MEMO1: variants seen among roughly 807,000 people sequenced by gnomAD.
MEMO1 encodes the protein protein MEMO1.
Under a neutral mutation model 45.2 loss-of-function variants are expected in MEMO1, and 6 were observed. The observed-to-expected ratio is 0.13, with a 90% CI of 0.07 to 0.26. MEMO1 has a LOEUF of 0.26. MEMO1 is among the 10% of genes least tolerant of loss of function. The pLI, the probability that MEMO1 is intolerant of heterozygous loss-of-function variation, is 1.00. For synonymous variants in MEMO1, 78 were observed against 124.3 expected (o/e 0.63, Z 2.48); for missense variants, 184 against 370.5 (o/e 0.50, Z 4.13).
intron 6 of MEMO1, among the ~76,000 whole-genome samples, chr2:31,898,966 T>C (rs1470324726): frequency 1.3e-5 from 2 of 152,222 alleles, no homozygotes; most frequent in African/African-American, 4.8e-5. Context: ...CATTATGTAA[T>C]GGCCTTCTTT....
intron 2 of MEMO1, among the ~76,000 whole-genome samples, chr2:31,975,369 T>G (rs1192393283): frequency 6.6e-6 from 1 of 152,198 alleles, no homozygotes. Context: ...AATTCTCATC[T>G]CCTGATCTTT....
At chr2:31,997,479 C>T (rs1672748839) in intron 2 of MEMO1, among the ~76,000 whole-genome samples, 4 of 152,168 alleles carry the variant, frequency 2.6e-5, no homozygotes, top group Admixed American at 2.6e-4. Flanking sequence ...ATCTGTATTC[C>T]TTACAGATGT....
chr2:31,961,471 T>C (rs865970292), intron 2 of MEMO1, among the ~76,000 whole-genome samples: 1 of 149,872 alleles, frequency 6.7e-6, no homozygotes, highest in African/African-American at 2.5e-5. Flanking sequence ...CTTTAAAATA[T>C]GTTATCTTGG....
chr2:32,000,970 T>G (rs1414337183), intron 2 of MEMO1, among the ~76,000 whole-genome samples: 1 of 152,006 alleles, frequency 6.6e-6, no homozygotes, highest in Admixed American at 6.6e-5. Context: ...CAGAAATTGA[T>G]TCGTTCAATA....
chr2:31,879,728 T>C (rs1675074472), intron 8 of MEMO1, among the ~76,000 whole-genome samples: 1 of 152,186 alleles, frequency 6.6e-6, no homozygotes, highest in African/African-American at 2.4e-5. Flanking sequence ...ATGTTCAAAA[T>C]CCAGTGTATA....
intron 6 of MEMO1, among the ~76,000 whole-genome samples, chr2:31,897,382 A>T (rs1399212926): frequency 6.6e-6 from 1 of 152,230 alleles, no homozygotes; most frequent in East Asian, 1.9e-4. Flanking sequence ...TTATTATGAG[A>T]TACATTCCAT....
chr2:31,961,638 C>T (rs142733257), intron 2 of MEMO1, among the ~76,000 whole-genome samples: 89 of 151,548 alleles, frequency 5.9e-4, no homozygotes, highest in African/African-American at 2.1e-3. Flanking sequence ...ACTAGCTAGG[C>T]ATGGTTACAC....
At chr2:31,880,625 A>C (rs1675221094) in intron 8 of MEMO1, among the ~76,000 whole-genome samples, 1 of 152,232 alleles carries the variant, frequency 6.6e-6, no homozygotes, top group African/African-American at 2.4e-5. Context: ...TTACAAGCTG[A>C]CAGAATTTAA....
At chr2:31,901,573 T>C (rs185349210) in intron 6 of MEMO1, among the ~76,000 whole-genome samples, 9 of 151,956 alleles carry the variant, frequency 5.9e-5, no homozygotes, top group Admixed American at 2.6e-4. Context: ...AGAACAAGGA[T>C]TGACCTCAAA....
chr2:31,909,499 C>A (rs77729242), intron 6 of MEMO1, among the ~76,000 whole-genome samples: 1 of 151,954 alleles, frequency 6.6e-6, no homozygotes, highest in Non-Finnish European at 1.5e-5. Context: ...GAAAGCAATC[C>A]CATTTACAAT....
chr2:31,957,182 T>G (rs981991651), intron 2 of MEMO1, among the ~76,000 whole-genome samples: 1 of 151,184 alleles, frequency 6.6e-6, no homozygotes, highest in African/African-American at 2.4e-5. Flanking sequence ...AGTTACTGCA[T>G]CCTGAAAAGG....
At chr2:31,990,536 C>G (rs935893878) in intron 2 of MEMO1, among the ~76,000 whole-genome samples, 7 of 149,710 alleles carry the variant, frequency 4.7e-5, no homozygotes, top group African/African-American at 1.5e-4. Flanking sequence ...ACTACAAACT[C>G]TGCCTACCAG....
chr2:31,960,272 G>A (rs1667864926), intron 2 of MEMO1, among the ~76,000 whole-genome samples: 1 of 151,886 alleles, frequency 6.6e-6, no homozygotes, highest in Non-Finnish European at 1.5e-5. Flanking sequence ...CCTGGAGCTA[G>A]CACTACAGTA....
intron 5 of MEMO1, among the ~76,000 whole-genome samples, chr2:31,920,226 G>A (rs1026178563): frequency 6.6e-6 from 1 of 150,752 alleles, no homozygotes; most frequent in Admixed American, 6.6e-5. Context: ...TACATCTATT[G>A]TGTAAGAACT....
chr2:31,946,575 C>T (rs548659764), intron 2 of MEMO1, among the ~76,000 whole-genome samples: 1 of 152,180 alleles, frequency 6.6e-6, no homozygotes, highest in South Asian at 2.1e-4. Context: ...AAGATGACAA[C>T]ACCGGGCCAG....
chr2:31,990,843 A>G (rs1671862746), intron 2 of MEMO1, among the ~76,000 whole-genome samples: 1 of 152,164 alleles, frequency 6.6e-6, no homozygotes, highest in Non-Finnish European at 1.5e-5. Flanking sequence ...GAGACTGACA[A>G]GAGACTAACA....
chr2:31,905,447 A>G (rs1216622379), intron 6 of MEMO1, among the ~76,000 whole-genome samples: 2 of 152,230 alleles, frequency 1.3e-5, no homozygotes, highest in Non-Finnish European at 2.9e-5. Flanking sequence ...TTCCATTTAA[A>G]TAGGCATGAT....
intron 6 of MEMO1, among the ~76,000 whole-genome samples, chr2:31,912,488 G>A (rs1247523588): frequency 6.7e-6 from 1 of 149,574 alleles, no homozygotes; most frequent in Non-Finnish European, 1.5e-5. Flanking sequence ...ACTCCAGCCT[G>A]GGGGACAAGA....
chr2:31,868,222 G>C lies in MEMO1; in HGVS notation c.*139C>G. ...AATTAAGGAAGGACTACACCTACTA[G>C]AAAAAAAGAGAAGAAAGTTCTATTA... On this transcript the variant is annotated 3_prime_UTR_variant, in exon 10 of 10. Transcript: ENST00000404530. 1 of 773,448 alleles carries C rather than the reference G, an allele frequency of 1.3e-6. No individual in the cohort carries two copies. Among genetic ancestry groups the C allele is most frequent in the Non-Finnish European group, 1.8e-6 (1 of 554,552 alleles). 47.9% of individuals were successfully genotyped at this position (773,448 alleles called of 1,614,324 possible).
Sources: allele counts gnomAD v4.1 joint callset (sites outside exome capture counted in the v4.1 genomes callset), GRCh38; gene constraint gnomAD v4.1.1; transcripts MANE v1.5; gene names NCBI Gene and HGNC (gene_info 2026-07-23, HGNC 2026-07-21).